PCDHGA6: variants seen among roughly 807,000 people sequenced by gnomAD.
The protein encoded by PCDHGA6 is protocadherin gamma subfamily A, 6, also known as protocadherin gamma-A6.
Under a neutral mutation model 60.6 loss-of-function variants are expected in PCDHGA6, and 41 were observed. That is an observed-to-expected ratio of 0.68 (90% CI 0.53 to 0.88). PCDHGA6 has a LOEUF of 0.88. Among genes scored for constraint, PCDHGA6 ranks in the 40% least tolerant of loss-of-function variants. The pLI, the probability that PCDHGA6 is intolerant of heterozygous loss-of-function variation, is 0.00. For synonymous variants in PCDHGA6, 594 were observed against 524.4 expected, an observed-to-expected ratio of 1.13 and a Z score of -1.81; for missense variants, 1,312 against 1,203.0, an observed-to-expected ratio of 1.09 and a Z score of -1.34.
intron 1 of PCDHGA6, chr5:141,418,462 C>G: frequency 1.2e-6 from 2 of 1,613,974 alleles, no homozygotes; most frequent in Non-Finnish European, 8.5e-7. Flanking sequence ...AGACTCTGGA[C>G]CGAGAAACGC....
In PCDHGA6 at chr5:141,428,115, G is replaced by T. The variant is rs753384738; in HGVS notation, c.2424+51608G>T. 5 of 1,607,062 alleles carry T rather than the reference G, an allele frequency of 3.1e-6. No homozygotes were observed. In the South Asian group the frequency reaches 5.5e-5, roughly 18 times the overall value. On this transcript the variant is annotated intron_variant, in intron 1 of 3. Coordinates refer to ENST00000517434, the MANE Select transcript of PCDHGA6 (RefSeq NM_018919.3). ...GTCCTACCACGTGCTGCAGGCCATC[G>T]AGCCCGGGCTTTTCAGCCTGGGGCT...
At chr5:141,389,778 G>A (rs886099464) in intron 1 of PCDHGA6, 3 of 1,613,134 alleles carry the variant, frequency 1.9e-6, no homozygotes, top group Non-Finnish European at 2.5e-6. Flanking sequence ...TGCCTTAGGC[G>A]ACAGGGACGC....
At chr5:141,448,887 G>T (rs1160586933) in intron 1 of PCDHGA6, among the ~76,000 whole-genome samples, 1 of 152,172 alleles carries the variant, frequency 6.6e-6, no homozygotes, top group East Asian at 1.9e-4. Flanking sequence ...GGAGCTTGCA[G>T]TGAGCCGAGA....
Position 141,491,711 on chromosome 5 carries a change from C to A in PCDHGA6, c.2425-3096C>A, listed in dbSNP as rs528931820. ...CGGGAGCGGAGCCAGGTGAGGGGCT[C>A]GGCGCCGCCCCGGGCGACCCCTGGG... On this transcript the variant is annotated intron_variant, in intron 1 of 3. Coordinates refer to ENST00000517434, the MANE Select transcript of PCDHGA6 (RefSeq NM_018919.3). The surrounding 1 kb of genome is among the most constrained non-coding windows in gnomAD (Gnocchi z 6.9). 1.3e-4 allele frequency: 217 copies of A among 1,609,356 alleles called. 3 individuals are homozygous for A. In the South Asian group the frequency reaches 2.2e-3, roughly 17 times the overall value.
intron 1 of PCDHGA6, chr5:141,390,545 A>G (rs62378444): frequency 2.0e-6 from 1 of 505,936 alleles, no homozygotes; most frequent in African/African-American, 1.9e-5. Context: ...CCACAAAGTG[A>G]AAGTGTTAGA....
chr5:141,486,552 A>C lies in PCDHGA6; in HGVS notation c.2425-8255A>C. The C allele has an allele frequency of 6.2e-7, 1 of 1,614,136 alleles. No individual in the cohort carries two copies. The highest frequency in any genetic ancestry group is 1.1e-5 in the South Asian group (1 of 91,082). On this transcript the variant is annotated intron_variant, in intron 1 of 3. Coordinates refer to ENST00000517434, the MANE Select transcript of PCDHGA6 (RefSeq NM_018919.3). This position sits in a 1 kb window ranked among gnomAD's most constrained non-coding sequence, Gnocchi z 5.0. The stretch of plus-strand genomic sequence containing the variant: ...CCACCCTCTTTCTTTCAGAGGTCAC[A>C]TGAGGTGTTTGTTCCTGAGAACAAT...
At chr5:141,419,728 A>T (rs2096421858) in intron 1 of PCDHGA6, 1 of 1,613,466 alleles carries the variant, frequency 6.2e-7, no homozygotes. Flanking sequence ...GGCTGCGAAC[A>T]GGCGAGGTGC....
chr5:141,397,738 C>T (rs1211172946), intron 1 of PCDHGA6, among the ~76,000 whole-genome samples: 1 of 152,162 alleles, frequency 6.6e-6, no homozygotes, highest in East Asian at 1.9e-4. Flanking sequence ...AGAAAGATAC[C>T]TTAAAGAAGT....
In PCDHGA6 at chr5:141,490,363, C is replaced by G; in HGVS notation, c.2425-4444C>G. 3 of 1,614,154 alleles carry G rather than the reference C, an allele frequency of 1.9e-6. No homozygotes were observed. Among genetic ancestry groups the G allele is most frequent in the Non-Finnish European group, 2.5e-6 (3 of 1,180,032 alleles). On this transcript the variant is annotated intron_variant, in intron 1 of 3. Transcript: ENST00000517434. This position sits in a 1 kb window ranked among gnomAD's most constrained non-coding sequence, Gnocchi z 5.4. ...CACAGTAGTGGGGTTGTTTAATGTGCGAGACCGGGACTCAGGTAGAAATGG... is the reference window on the plus strand; with the variant it reads ...CACAGTAGTGGGGTTGTTTAATGTGGGAGACCGGGACTCAGGTAGAAATGG...
chr5:141,415,336 C>T (rs746539261), intron 1 of PCDHGA6: 5 of 1,614,200 alleles, frequency 3.1e-6, no homozygotes, highest in South Asian at 2.2e-5. Flanking sequence ...GCACAGGCTG[C>T]GGCGCTGGCA....
At position 141,476,901 on chromosome 5, in the gene PCDHGA6, G is replaced by C; in HGVS notation, c.2425-17906G>C. On this transcript the variant is annotated intron_variant, in intron 1 of 3. Coordinates refer to ENST00000517434, the MANE Select transcript of PCDHGA6 (RefSeq NM_018919.3). The surrounding 1 kb of genome is among the most constrained non-coding windows in gnomAD (Gnocchi z 7.6). ...CTGGAGGATGCACCCTCCGGCACGC[G>C]CGTGGTACAAGTCCTTGCAACGGAT... The C allele has an allele frequency of 1.2e-6, 2 of 1,613,900 alleles. No homozygotes were observed. Among genetic ancestry groups the C allele is most frequent in the Non-Finnish European group, 1.7e-6 (2 of 1,180,034 alleles).
At chr5:141,496,630 T>C (rs2099770022) in intron 2 of PCDHGA6, among the ~76,000 whole-genome samples, 1 of 152,202 alleles carries the variant, frequency 6.6e-6, no homozygotes, top group Non-Finnish European at 1.5e-5. Context: ...TCAAAAGGCT[T>C]GGGCTGCCCT....
chr5:141,383,433 C>T, intron 1 of PCDHGA6: 1 of 1,613,986 alleles, frequency 6.2e-7, no homozygotes, highest in East Asian at 2.2e-5. Context: ...ATCGCCACTT[C>T]TCCCTGGCTG....
At chr5:141,418,800 GAT>G (rs777421725) in intron 1 of PCDHGA6, 1 of 1,613,800 alleles carries the variant, frequency 6.2e-7, no homozygotes, top group Non-Finnish European at 8.5e-7. Flanking sequence ...GAAGTAGAAA[GAT>G]ATACGATAAA....
At chr5:141,398,963 ATTCCT>A in intron 1 of PCDHGA6, 1 of 1,613,976 alleles carries the variant, frequency 6.2e-7, no homozygotes, top group Non-Finnish European at 8.5e-7. Flanking sequence ...GAAATTACTT[ATTCCT>A]TCTACAGAAC....
chr5:141,378,973 A>G (rs1775276722), intron 1 of PCDHGA6: 1 of 152,222 alleles, frequency 6.6e-6, no homozygotes, highest in South Asian at 2.1e-4. Context: ...TAATTTGATG[A>G]CTTGTTGAAC....
chr5:141,482,981 AGG>A (rs2099575420), intron 1 of PCDHGA6, among the ~76,000 whole-genome samples: 1 of 150,250 alleles, frequency 6.7e-6, no homozygotes, highest in African/African-American at 2.5e-5. Context: ...GCTACTTGAG[AGG>A]TCGAGGCAGG....
intron 1 of PCDHGA6, among the ~76,000 whole-genome samples, chr5:141,451,780 C>T (rs988572200): frequency 6.6e-6 from 1 of 152,016 alleles, no homozygotes; most frequent in Non-Finnish European, 1.5e-5. Flanking sequence ...ACTCAGGAGG[C>T]TGAGGCCAGA....
intron 1 of PCDHGA6, chr5:141,404,146 A>G: frequency 1.2e-6 from 2 of 1,613,058 alleles, no homozygotes; most frequent in Non-Finnish European, 1.7e-6. Context: ...AAAATTCAGA[A>G]GAAGATTATT....
Sources: gnomAD v4.1 joint callset for allele counts (sites outside exome capture counted in the v4.1 genomes callset) on GRCh38, gnomAD v4.1.1 for gene constraint, Gnocchi (gnomAD v3.1) non-coding constraint, MANE v1.5 for transcripts, NCBI Gene and HGNC (gene_info 2026-07-23, HGNC 2026-07-21) for gene names.